Variants in PHLDB2 observed in about 807,000 individuals in gnomAD.
PHLDB2 encodes pleckstrin homology-like domain family B member 2.
Under a neutral mutation model 123.6 loss-of-function variants are expected in PHLDB2, and 71 were observed. The ratio of observed to expected loss-of-function variants is 0.57; its 90% CI spans 0.47 to 0.70. PHLDB2 has a LOEUF of 0.70. PHLDB2 is among the 30% of genes least tolerant of loss of function. The pLI is 0.00. For missense variants in PHLDB2, 1,446 were observed against 1,519.5 expected (o/e 0.95, Z 0.80); for synonymous variants, 547 against 541.6 (o/e 1.01, Z -0.14).
intron 1 of PHLDB2, among the ~76,000 whole-genome samples, chr3:111,808,854 A>T (rs1218078080): frequency 6.6e-6 from 1 of 152,210 alleles, no homozygotes; most frequent in Non-Finnish European, 1.5e-5. Context: ...AATTCTCATA[A>T]CTAATATAAT....
chr3:111,918,444 A>G (rs1240832830), intron 3 of PHLDB2, among the ~76,000 whole-genome samples: 1 of 152,250 alleles, frequency 6.6e-6, no homozygotes, highest in African/African-American at 2.4e-5. Context: ...TGAAGCATCA[A>G]TTAATTTAAT....
chr3:111,886,832 T>C (rs1388118280), intron 2 of PHLDB2, among the ~76,000 whole-genome samples: 1 of 152,208 alleles, frequency 6.6e-6, no homozygotes, highest in East Asian at 1.9e-4. Flanking sequence ...GGTCACAAAA[T>C]GGCATTGTGT....
intron 1 of PHLDB2, among the ~76,000 whole-genome samples, chr3:111,831,035 AAGG>A (rs869124646): frequency 0.066 from 4,543 of 68,330 alleles, 518 homozygotes; most frequent in Middle Eastern, 0.16. Context: ...GAAAGAAAGG[AAGG>A]AAGGAAGAAA....
chr3:111,737,752 G>T (rs2059534676), intron 1 of PHLDB2, among the ~76,000 whole-genome samples: 2 of 151,900 alleles, frequency 1.3e-5, no homozygotes, highest in African/African-American at 4.8e-5. Flanking sequence ...TAACTAGGCA[G>T]AATTCTTTTT....
intron 1 of PHLDB2, among the ~76,000 whole-genome samples, chr3:111,783,458 A>C (rs1329341091): frequency 1.3e-5 from 2 of 152,140 alleles, no homozygotes; most frequent in African/African-American, 4.8e-5. Context: ...TAATTGAAAA[A>C]ACACTACTAG....
At chr3:111,926,181 C>G (rs1292794638) in intron 5 of PHLDB2, among the ~76,000 whole-genome samples, 1 of 152,178 alleles carries the variant, frequency 6.6e-6, no homozygotes, top group African/African-American at 2.4e-5. Flanking sequence ...CAACATGTAC[C>G]TGAATGAAAT....
intron 1 of PHLDB2, among the ~76,000 whole-genome samples, chr3:111,752,582 A>G (rs1432605341): frequency 6.6e-6 from 1 of 151,844 alleles, no homozygotes; most frequent in Non-Finnish European, 1.5e-5. Context: ...AGAGTTTACT[A>G]GAAACATCAA....
At chr3:111,964,968 A>C (rs1388682372) in intron 13 of PHLDB2, among the ~76,000 whole-genome samples, 1 of 152,306 alleles carries the variant, frequency 6.6e-6, no homozygotes, top group East Asian at 1.9e-4. Flanking sequence ...TGATGTCACA[A>C]ACTACACTAT....
intron 1 of PHLDB2, among the ~76,000 whole-genome samples, chr3:111,773,620 C>T (rs564240048): frequency 1.3e-5 from 2 of 152,176 alleles, no homozygotes; most frequent in Non-Finnish European, 2.9e-5. Flanking sequence ...ACAACGACTT[C>T]GTATCTTTCT....
chr3:111,856,822 T>C (rs1294836806), upstream of PHLDB2, among the ~76,000 whole-genome samples: 1 of 152,242 alleles, frequency 6.6e-6, no homozygotes, highest in African/African-American at 2.4e-5. Context: ...TCTGCCTGCC[T>C]GCCTTACATT....
At chr3:111,940,046 A>G (rs950168313) in intron 7 of PHLDB2, among the ~76,000 whole-genome samples, 1 of 152,198 alleles carries the variant, frequency 6.6e-6, no homozygotes, top group African/African-American at 2.4e-5. Context: ...GTGGATTACT[A>G]CTGACTCCAC....
chr3:111,935,996 T>A (rs1228578757), intron 6 of PHLDB2, among the ~76,000 whole-genome samples: 1 of 152,216 alleles, frequency 6.6e-6, no homozygotes, highest in East Asian at 1.9e-4. Context: ...TCCAAAAGTA[T>A]GTAGTTAAAG....
intron 1 of PHLDB2, among the ~76,000 whole-genome samples, chr3:111,803,564 A>G (rs955754343): frequency 1.3e-5 from 2 of 151,884 alleles, no homozygotes; most frequent in Non-Finnish European, 2.9e-5. Context: ...TGAACTCAGG[A>G]TAGTAGAATG....
At chr3:111,966,746 T>G in intron 14 of PHLDB2, 43 bp downstream of exon 14, 2 of 1,522,840 alleles carry the variant, frequency 1.3e-6, no homozygotes, top group Non-Finnish European at 1.8e-6. Context: ...GATACCGTGG[T>G]GCAGGAGCCC....
chr3:111,949,445 A>G (rs2070565634), intron 10 of PHLDB2, among the ~76,000 whole-genome samples: 1 of 152,174 alleles, frequency 6.6e-6, no homozygotes, highest in Non-Finnish European at 1.5e-5. Context: ...GTTTTGTAAC[A>G]TGGATGCTTT....
rs2072473676 is a variant in PHLDB2, at chr3:111,976,189, A to C, written c.*1626A>C. 1 of 152,456 alleles carries C rather than the reference A, an allele frequency of 6.6e-6. No homozygotes were observed. Among genetic ancestry groups the C allele is most frequent in the Admixed American group, 6.5e-5 (1 of 15,288 alleles). The allele number at this position is 152,456 out of a possible 1,614,324, so 9.4% of individuals were successfully genotyped here. A position where few individuals can be genotyped will look rare whatever the true frequency, so the allele number is the denominator to read the frequency against. On this transcript the variant is annotated 3_prime_UTR_variant, in exon 18 of 18. Coordinates refer to ENST00000431670, the MANE Select transcript of PHLDB2 (RefSeq NM_001134438.2). ...GTGTTCTAATCCAATTGCATGATGT[A>C]GTAAGCCTCTTAAATATGTGTGTTA...
chr3:111,865,520 A>C (rs145180320), intron 1 of PHLDB2, among the ~76,000 whole-genome samples: 1 of 152,272 alleles, frequency 6.6e-6, no homozygotes, highest in East Asian at 1.9e-4. Flanking sequence ...GAGTCCAGAA[A>C]GTTGGAGCAG....
chr3:111,809,405 C>T (rs981196844), intron 1 of PHLDB2, among the ~76,000 whole-genome samples: 10 of 152,150 alleles, frequency 6.6e-5, no homozygotes, highest in Admixed American at 2.0e-4. Context: ...ATGCTGTCTC[C>T]AAGCCTGTGG....
intron 10 of PHLDB2, among the ~76,000 whole-genome samples, chr3:111,950,455 G>A (rs758544186): frequency 2.0e-5 from 3 of 152,174 alleles, no homozygotes; most frequent in African/African-American, 4.8e-5. Context: ...GCTCAGTGAG[G>A]TTAAGTAGCT....
Sources: allele counts gnomAD v4.1 joint callset (sites outside exome capture counted in the v4.1 genomes callset), GRCh38; gene constraint gnomAD v4.1.1; transcripts MANE v1.5; gene names NCBI Gene and HGNC (gene_info 2026-07-23, HGNC 2026-07-21).